The following DNAAF9 variants were observed in gnomAD, a reference collection of about 807,000 sequenced individuals.
The protein encoded by DNAAF9 is dynein axonemal assembly factor 9.
In DNAAF9, 90 loss-of-function variants were observed where a neutral mutation model predicts 167.0. The observed-to-expected ratio is 0.54, with a 90% CI of 0.45 to 0.64. The LOEUF is 0.64. Among genes scored for constraint, DNAAF9 ranks in the 30% least tolerant of loss-of-function variants. The pLI is 0.00. For synonymous variants in DNAAF9, 491 were observed against 508.8 expected, an observed-to-expected ratio of 0.96 and a Z score of 0.47; for missense variants, 1,315 against 1,442.2, an observed-to-expected ratio of 0.91 and a Z score of 1.43.
At chr20:3,263,279 ATTTTTTG>A (rs1201341536) in intron 31 of DNAAF9, among the ~76,000 whole-genome samples, 1 of 152,174 alleles carries the variant, frequency 6.6e-6, no homozygotes. Flanking sequence ...TGGCCAGATC[ATTTTTTG>A]TTACGAAAAA....
chr20:3,251,261 C>A lies in DNAAF9; in HGVS notation c.*1311G>T, dbSNP rs1462909804. The stretch of plus-strand genomic sequence containing the variant: ...ACATGTGCTCCATCTTGTCTCTCCG[C>A]TGCTCCAGGGGCCTTGCTCAAAAAC... On this transcript the variant is annotated 3_prime_UTR_variant, in exon 37 of 37. Transcript: ENST00000252032. 1 of 151,992 alleles carries A rather than the reference C, an allele frequency of 6.6e-6. No individual in the cohort carries two copies. The highest frequency in any genetic ancestry group is 2.4e-5 in the African/African-American group (1 of 41,346). 9.4% of individuals were successfully genotyped at this position (151,992 alleles called of 1,614,324 possible).
chr20:3,351,953 T>C (rs999244056), intron 7 of DNAAF9, among the ~76,000 whole-genome samples: 3 of 152,232 alleles, frequency 2.0e-5, no homozygotes, highest in Non-Finnish European at 4.4e-5. Flanking sequence ...GATATGGGGT[T>C]CCACCATGTT....
intron 1 of DNAAF9, among the ~76,000 whole-genome samples, chr20:3,393,972 A>C (rs568295669): frequency 6.6e-6 from 1 of 152,204 alleles, no homozygotes; most frequent in Non-Finnish European, 1.5e-5. Flanking sequence ...GTGCATACTC[A>C]TATTCTTTAC....
intron 30 of DNAAF9, among the ~76,000 whole-genome samples, chr20:3,268,017 G>A (rs2068519235): frequency 6.7e-6 from 1 of 149,760 alleles, no homozygotes; most frequent in South Asian, 2.1e-4. Context: ...ATACAGATAG[G>A]TTTACTTTTT....
At chr20:3,391,614 C>T (rs1347740437) in intron 1 of DNAAF9, among the ~76,000 whole-genome samples, 3 of 133,038 alleles carry the variant, frequency 2.3e-5, no homozygotes, top group Non-Finnish European at 3.1e-5. Flanking sequence ...GAGTTTCACT[C>T]GTGTTGCCCA....
chr20:3,249,964 T>C lies in DNAAF9; in HGVS notation c.*2608A>G, dbSNP rs2068173495. 1 of 152,190 alleles carries C rather than the reference T, an allele frequency of 6.6e-6. No individual in the cohort carries two copies. Among genetic ancestry groups the C allele is most frequent in the Non-Finnish European group, 1.5e-5 (1 of 68,034 alleles). The allele number at this position is 152,190 out of a possible 1,614,324, so 9.4% of individuals were successfully genotyped here. Reference sequence around the variant, plus strand: ...CCATTTCCTCCAATTTCTGTCTCCTTCTTCCAATCAAAAACAGAAAAATCC... The same window carrying C: ...CCATTTCCTCCAATTTCTGTCTCCTCCTTCCAATCAAAAACAGAAAAATCC... On this transcript the variant is annotated 3_prime_UTR_variant, in exon 37 of 37. Coordinates refer to ENST00000252032, the MANE Select transcript of DNAAF9 (RefSeq NM_001009984.3).
chr20:3,397,996 T>C (rs1056934967), intron 1 of DNAAF9, among the ~76,000 whole-genome samples: 1 of 152,176 alleles, frequency 6.6e-6, no homozygotes, highest in African/African-American at 2.4e-5. Context: ...ACACTTTCCA[T>C]TTCTACCTCC....
In DNAAF9 at chr20:3,298,057, G is replaced by A. The variant is rs374956285; in HGVS notation, c.1901C>T (p.Ser634Leu). 1.2e-5 allele frequency: 20 copies of A among 1,612,996 alleles called. No individual in the cohort carries two copies. The highest frequency in any genetic ancestry group is 5.0e-5 in the Admixed American group (3 of 59,988). ...TGAGTAAAATGCTTGGTATATCTTC[G>A]ATTTGGGGAAAAGGGCAATCATCAG... ...NFLMIALFPK[S>L]KIYQAFYSEV... The change falls in exon 22 of 37, where the codon TCG (serine) becomes TTG (leucine). Residue 634 changes from serine (S) to leucine (L), a missense_variant. By Grantham distance (145) the Ser-to-Leu change is moderately radical. Around this residue, in one of 2 missense-constraint regions of DNAAF9, gnomAD observed 981 missense variants for 1,012.5 expected, o/e 0.97. Coordinates refer to ENST00000252032, the MANE Select transcript of DNAAF9 (RefSeq NM_001009984.3).
rs183836200 is a variant in DNAAF9 at position 3,312,441 on chromosome 20, G to C, written c.1678+2592C>G. On this transcript the variant is annotated intron_variant, in intron 20 of 36. Transcript: ENST00000252032. ...GGGGGCTTTAAAAAAAAAAAAGTAT[G>C]GAAAAAATAACAACTTGCACAACAT... is the stretch of plus-strand genomic sequence containing the variant. 5.3e-5 allele frequency among the ~76,000 whole-genome samples: 8 copies of C among 152,044 alleles called. 1 individual carries two copies. In the East Asian group the frequency reaches 1.5e-3, roughly 29 times the overall value.
chr20:3,295,924 A>T (rs921832462), intron 23 of DNAAF9: 2 of 1,556,522 alleles, frequency 1.3e-6, no homozygotes, highest in Admixed American at 3.4e-5. Context: ...GTAAACTCAG[A>T]CATATTTCCC....
intron 1 of DNAAF9, among the ~76,000 whole-genome samples, chr20:3,390,499 G>C (rs2083812365): frequency 6.6e-6 from 1 of 151,906 alleles, no homozygotes; most frequent in Non-Finnish European, 1.5e-5. Context: ...CCTGTAGCTG[G>C]GATTACAGGC....
chr20:3,322,595 C>T, intron 15 of DNAAF9, 57 bp downstream of exon 15: 1 of 1,316,470 alleles, frequency 7.6e-7, no homozygotes, highest in Admixed American at 1.7e-5. Flanking sequence ...AGCCTCCCCT[C>T]TCTTTATCTT....
intron 22 of DNAAF9, 117 bp downstream of exon 22, chr20:3,297,912 C>T (rs1303663220): frequency 2.5e-6 from 2 of 799,576 alleles, no homozygotes; most frequent in Non-Finnish European, 4.3e-6. Flanking sequence ...ACCATCCAGC[C>T]CTCCTAACTC....
chr20:3,349,212 A>AAAAAAC (rs2070263205), intron 7 of DNAAF9, among the ~76,000 whole-genome samples: 4 of 150,574 alleles, frequency 2.7e-5, no homozygotes, highest in South Asian at 2.1e-4. Flanking sequence ...AACAAAAAAA[A>AAAAAAC]AAAAAACACC....
Position 3,294,535 on chromosome 20 carries a change from G to A in DNAAF9, c.2113C>T (p.Leu705=). The change falls in exon 24 of 37, where the codon CTG becomes TTG. Residue 705 remains leucine (L), a synonymous_variant. Coordinates refer to ENST00000252032, the MANE Select transcript of DNAAF9 (RefSeq NM_001009984.3). ...AACAGAACCAGAGCTTACCAGTCCA[G>A]CTCTGGGAGTTTGGCTGAGAGTAAC... is the stretch of plus-strand genomic sequence containing the variant. ...LKLLSAKLPE[L]DWFLQHFAIS... is the part of the protein sequence containing the mutation. The A allele has an allele frequency of 6.2e-7, 1 of 1,605,972 alleles. No individual in the cohort carries two copies. The highest frequency in any genetic ancestry group is 8.5e-7 in the Non-Finnish European group (1 of 1,172,632).
chr20:3,286,649 G>C (rs562978998), intron 27 of DNAAF9, among the ~76,000 whole-genome samples: 2 of 152,310 alleles, frequency 1.3e-5, no homozygotes, highest in African/African-American at 4.8e-5. Context: ...CAAGGTATGA[G>C]AACAAGGCTC....
chr20:3,253,910 G>GGGAA, intron 35 of DNAAF9, 91 bp from the exon 36 acceptor site: 2 of 768,490 alleles, frequency 2.6e-6, no homozygotes, highest in Non-Finnish European at 4.6e-6. Context: ...TCCCTAGCAA[G>GGGAA]ATAGACTACT....
chr20:3,326,607 T>C (rs2069715441), intron 12 of DNAAF9, among the ~76,000 whole-genome samples: 1 of 151,812 alleles, frequency 6.6e-6, no homozygotes, highest in African/African-American at 2.4e-5. Flanking sequence ...TATCCAGAAA[T>C]GGTGGTGTGT....
Position 3,326,122 on chromosome 20 carries a change from A to G in DNAAF9, c.1188+75T>C, listed in dbSNP as rs1468983416. ...AAAAGTGAGTACTACAAGATGTCCA[A>G]AGAAGAAACACATGGATAGAATGTT... On this transcript the variant is annotated intron_variant, in intron 13 of 36. Coordinates refer to ENST00000252032, the MANE Select transcript of DNAAF9 (RefSeq NM_001009984.3). The G allele has an allele frequency of 4.4e-6, 5 of 1,146,676 alleles. No homozygotes were observed. The African/African-American group carries it at 7.7e-5, about 18-fold the overall frequency. The allele number at this position is 1,146,676 out of a possible 1,614,324, so 71.0% of individuals were successfully genotyped here.
Sources: gnomAD v4.1 joint callset for allele counts (sites outside exome capture counted in the v4.1 genomes callset) on GRCh38, gnomAD v4.1.1 for gene constraint, gnomAD v4.1.1 regional missense constraint, MANE v1.5 for transcripts, NCBI Gene and HGNC (gene_info 2026-07-23, HGNC 2026-07-21) for gene names.